LPIN1: variants seen among roughly 807,000 people sequenced by gnomAD.
LPIN1 encodes the protein lipin 1.
LPIN1 carries 71 observed loss-of-function variants against 107.5 expected under a neutral mutation model. That is an observed-to-expected ratio of 0.66 (90% CI 0.55 to 0.80). The LOEUF (loss-of-function observed/expected upper bound fraction) is 0.80. Ranked by LOEUF, LPIN1 falls within the 30% of genes least tolerant of loss-of-function variation. LPIN1 has a pLI of 0.00. For missense variants in LPIN1, 1,043 were observed against 1,160.6 expected (o/e 0.90, Z 1.47); for synonymous variants, 445 against 452.6 (o/e 0.98, Z 0.21).
intron 13 of LPIN1, 50 bp downstream of exon 13, chr2:11,792,056 GTGTAGTGAGAT>G: frequency 6.7e-7 from 1 of 1,489,974 alleles, no homozygotes. Flanking sequence ...TGTTGGTTTT[GTGTAGTGAGAT>G]TGGTTTTCAT....
At chr2:11,700,666 G>A (rs1005037178) in intron 1 of LPIN1, among the ~76,000 whole-genome samples, 3 of 152,164 alleles carry the variant, frequency 2.0e-5, no homozygotes, top group South Asian at 2.1e-4. Context: ...CACTTCCACA[G>A]TGTGTGGATA....
intron 18 of LPIN1, chr2:11,817,931 C>CAAAAA (rs34888081): frequency 1.2e-4 from 3 of 25,546 alleles, no homozygotes; most frequent in African/African-American, 1.2e-4. Flanking sequence ...GACTCTGTCT[C>CAAAAA]AAAAAAAAAA....
At chr2:11,728,252 G>A (rs571618406) in intron 1 of LPIN1, among the ~76,000 whole-genome samples, 1 of 152,274 alleles carries the variant, frequency 6.6e-6, no homozygotes, top group South Asian at 2.1e-4. Context: ...AATATTTAAG[G>A]TAGGTTTCCT....
At chr2:11,693,225 T>G (rs1662360737) in intron 1 of LPIN1, among the ~76,000 whole-genome samples, 1 of 142,970 alleles carries the variant, frequency 7.0e-6, no homozygotes, top group Non-Finnish European at 1.5e-5. Context: ...TTTTTTGAGA[T>G]GATGGAATCC....
rs147863283 is a variant in LPIN1 at position 11,815,411 on chromosome 2, C to T, written c.2402+171C>T. Among the ~76,000 whole-genome samples, 501 of 152,348 alleles carry T rather than the reference C, an allele frequency of 3.3e-3. 1 individual carries two copies. The highest frequency in any genetic ancestry group is 5.7e-3 in the Non-Finnish European group (391 of 68,040). On this transcript the variant is annotated intron_variant, in intron 18 of 20. Transcript: ENST00000674199. Reference sequence around the variant, plus strand: ...AAACACAGGTCTACACCTGCATTGGCTCCTCATGGCTTTCAGGCCGAGTCC... The same window carrying T: ...AAACACAGGTCTACACCTGCATTGGTTCCTCATGGCTTTCAGGCCGAGTCC...
upstream of LPIN1, chr2:11,677,587 C>CG (rs1661495101): frequency 3.6e-5 from 46 of 1,279,080 alleles, no homozygotes; most frequent in South Asian, 3.2e-4. Context: ...CCGGTGTTGC[C>CG]GGGGGACATT....
chr2:11,677,687 A>AC lies in LPIN1; in HGVS notation c.42dup (p.Ser15LeufsTer32). 3 of 1,535,670 alleles carry AC rather than the reference A, an allele frequency of 2.0e-6. No individual in the cohort carries two copies. The highest frequency in any genetic ancestry group is 2.6e-6 in the Non-Finnish European group (3 of 1,146,876). On this transcript the variant is annotated frameshift_variant, in exon 1 of 22. Transcript: ENST00000449576. LOFTEE classifies it high-confidence loss of function. ...CGGCATTCGCAGCTCCAGCTGGGAG[A>AC]CCTCGCAGGGCAAGAGCTCCCCAGA...
rs978064035 is a variant in LPIN1, at chr2:11,749,528, T to C, written c.-10+2857T>C. 1.1e-4 allele frequency among the ~76,000 whole-genome samples: 17 copies of C among 152,204 alleles called. 2 individuals carry two copies. The South Asian group carries it at 2.3e-3, about 20-fold the overall frequency. On this transcript the variant is annotated intron_variant, in intron 1 of 20. Coordinates refer to ENST00000674199, the MANE Select transcript of LPIN1 (RefSeq NM_001349206.2). ...CCAACAAGCCCTTAGCAGCTGGGGT[T>C]GGGGTGGGGTCTGTGCAGCCAGGGA...
In LPIN1 at chr2:11,818,617, G is replaced by GA. The variant is rs745360998; in HGVS notation, c.2403-866dup. Reference sequence around the variant, plus strand: ...AATGTGCATATTTGTTTTTTGTGATGACAATTTTTTCCCCTAATTCTTTCT... The same window carrying GA: ...AATGTGCATATTTGTTTTTTGTGATGAACAATTTTTTCCCCTAATTCTTTCT... On this transcript the variant is annotated intron_variant, in intron 18 of 20. Transcript: ENST00000674199. 4.0e-5 allele frequency: 6 copies of GA among 151,378 alleles called. 3 individuals carry two copies. The highest frequency in any genetic ancestry group is 1.3e-4 in the Admixed American group (2 of 15,210). The allele number at this position is 151,378 out of a possible 1,614,324, so 9.4% of individuals were successfully genotyped here. A position where few individuals can be genotyped will look rare whatever the true frequency, so the allele number is the denominator to read the frequency against.
At chr2:11,746,762 G>T in intron 1 of LPIN1, 91 bp downstream of exon 1, 1 of 654,232 alleles carries the variant, frequency 1.5e-6, no homozygotes, top group Non-Finnish European at 1.9e-6. Context: ...GGGCGCTGAG[G>T]ACGCGTGGCG....
chr2:11,754,721 A>G (rs1428029873), intron 1 of LPIN1, among the ~76,000 whole-genome samples: 1 of 152,224 alleles, frequency 6.6e-6, no homozygotes, highest in Non-Finnish European at 1.5e-5. Context: ...TGAGGATGAC[A>G]GCCTGGTGGG....
chr2:11,694,893 G>A (rs1473690395), intron 1 of LPIN1, among the ~76,000 whole-genome samples: 2 of 152,064 alleles, frequency 1.3e-5, no homozygotes, highest in African/African-American at 2.4e-5. Flanking sequence ...TATTACAGCC[G>A]AGGTTCTCTA....
At position 11,786,447 on chromosome 2, in the gene LPIN1, C is replaced by T. The variant is rs778267286; in HGVS notation, c.1550-627C>T. ...AGAGCCCGTCAAAGAACTGAGGGTCCGGGGCTGAGGTCTGGGCCTCCTGAC... is the reference window on the plus strand; with the variant it reads ...AGAGCCCGTCAAAGAACTGAGGGTCTGGGGCTGAGGTCTGGGCCTCCTGAC... On this transcript the variant is annotated intron_variant, in intron 10 of 20. Transcript: ENST00000674199. The surrounding 1 kb of genome is among the most constrained non-coding windows in gnomAD (Gnocchi z 4.1). Among the ~76,000 whole-genome samples, 7 of 152,086 alleles carry T rather than the reference C, an allele frequency of 4.6e-5. No individual in the cohort carries two copies. The highest frequency in any genetic ancestry group is 1.7e-4 in the African/African-American group (7 of 41,416).
chr2:11,748,273 A>AGG (rs1341543111), intron 1 of LPIN1, among the ~76,000 whole-genome samples: 2 of 152,250 alleles, frequency 1.3e-5, no homozygotes, highest in African/African-American at 4.8e-5. Flanking sequence ...AACAGACGGC[A>AGG]GGGGAGGGTC....
At chr2:11,730,836 A>G (rs1380209880) in intron 1 of LPIN1, among the ~76,000 whole-genome samples, 1 of 152,152 alleles carries the variant, frequency 6.6e-6, no homozygotes, top group East Asian at 1.9e-4. Flanking sequence ...GCTTGACATC[A>G]GCTTTGGACC....
At position 11,786,935 on chromosome 2, in the gene LPIN1, C is replaced by A. The variant is rs184814664; in HGVS notation, c.1550-139C>A. On this transcript the variant is annotated intron_variant, in intron 10 of 20. Transcript: ENST00000674199. This position sits in a 1 kb window ranked among gnomAD's most constrained non-coding sequence, Gnocchi z 4.1. ...TAAAATGGTGCGGCCTTTACAAATA[C>A]ATTTTATAGGATTGTCTGCACAGTT... 24 of 709,870 alleles carry A rather than the reference C, an allele frequency of 3.4e-5. No individual in the cohort carries two copies. In the Admixed American group the frequency reaches 3.4e-4, roughly 10 times the overall value. The allele number at this position is 709,870 out of a possible 1,614,324, so 44.0% of individuals were successfully genotyped here.
chr2:11,819,304 GA>G, intron 18 of LPIN1, 179 bp from the exon 19 acceptor site: 1 of 592,636 alleles, frequency 1.7e-6, no homozygotes. Flanking sequence ...AGAAAGACTT[GA>G]AAGTACGGGT....
intron 1 of LPIN1, among the ~76,000 whole-genome samples, chr2:11,752,044 A>G (rs980088406): frequency 6.6e-6 from 1 of 152,226 alleles, no homozygotes; most frequent in Non-Finnish European, 1.5e-5. Context: ...CCAGAGTCAT[A>G]CAGATATTAA....
intron 15 of LPIN1, among the ~76,000 whole-genome samples, 184 bp from the exon 16 acceptor site, chr2:11,804,239 T>C (rs966898014): frequency 6.6e-6 from 1 of 152,184 alleles, no homozygotes; most frequent in African/African-American, 2.4e-5. Flanking sequence ...GGTTTCATTT[T>C]GCCTGTCCAG....
Sources: allele counts gnomAD v4.1 joint callset (sites outside exome capture counted in the v4.1 genomes callset), GRCh38; gene constraint gnomAD v4.1.1; non-coding constraint Gnocchi (gnomAD v3.1); transcripts MANE v1.5; gene names NCBI Gene and HGNC (gene_info 2026-07-23, HGNC 2026-07-21).